The following GRID1 variants were observed in gnomAD, a reference collection of about 807,000 sequenced individuals.
GRID1 encodes the protein glutamate ionotropic receptor delta type subunit 1, also known as glutamate receptor ionotropic, delta-1.
Under a neutral mutation model 98.0 loss-of-function variants are expected in GRID1, and 28 were observed. The ratio of observed to expected loss-of-function variants is 0.29; its 90% CI spans 0.21 to 0.39. The LOEUF (loss-of-function observed/expected upper bound fraction) is 0.39. Among genes scored for constraint, GRID1 ranks in the 10% least tolerant of loss-of-function variants. The probability of loss-of-function intolerance (pLI) is 1.00; values close to 1 mark genes in which losing one functional copy is unlikely to be tolerated. For synonymous variants in GRID1, 553 were observed against 538.5 expected, an observed-to-expected ratio of 1.03 and a Z score of -0.37; for missense variants, 1,111 against 1,340.5, an observed-to-expected ratio of 0.83 and a Z score of 2.67.
At chr10:85,998,193 T>C (rs1047742492) in intron 4 of GRID1, among the ~76,000 whole-genome samples, 2 of 152,138 alleles carry the variant, frequency 1.3e-5, no homozygotes, top group Non-Finnish European at 2.9e-5. Flanking sequence ...CAGCAGAATA[T>C]GCTTTTTTAT....
intron 4 of GRID1, among the ~76,000 whole-genome samples, chr10:86,035,059 CATTT>C (rs200440649): frequency 0.031 from 4,721 of 152,150 alleles, 206 homozygotes; most frequent in African/African-American, 0.098. Flanking sequence ...GGAGCACAGT[CATTT>C]GGAAAGGAGG....
At chr10:85,768,069 A>T (rs1046821729) in intron 8 of GRID1, among the ~76,000 whole-genome samples, 12 of 152,200 alleles carry the variant, frequency 7.9e-5, no homozygotes, top group African/African-American at 2.4e-4. Context: ...CTTTGGTGGA[A>T]AGTTTTCTCA....
chr10:86,128,824 A>G (rs941915737), intron 4 of GRID1, among the ~76,000 whole-genome samples: 1 of 152,000 alleles, frequency 6.6e-6, no homozygotes, highest in Non-Finnish European at 1.5e-5. Context: ...CGATCTCCCC[A>G]CTCACACATC....
intron 2 of GRID1, among the ~76,000 whole-genome samples, chr10:86,261,758 A>G (rs1282262808): frequency 6.7e-6 from 1 of 149,918 alleles, no homozygotes; most frequent in African/African-American, 2.4e-5. Flanking sequence ...GAGCAGGGGC[A>G]TTGAGGTGGC....
At chr10:86,211,479 C>T (rs542973918) in intron 2 of GRID1, among the ~76,000 whole-genome samples, 4 of 152,258 alleles carry the variant, frequency 2.6e-5, no homozygotes, top group Admixed American at 1.3e-4. Context: ...ACTCAGAGCT[C>T]GGCATTGGGG....
chr10:85,728,049 C>G lies in GRID1; in HGVS notation c.1339G>C (p.Glu447Gln). The G allele has an allele frequency of 6.2e-7, 1 of 1,607,736 alleles. No individual in the cohort carries two copies. The highest frequency in any genetic ancestry group is 8.5e-7 in the Non-Finnish European group (1 of 1,174,226). The part of the protein sequence containing the change: ...LTLKVVTVLE[E>Q]PFVMVAENIL... Reference sequence around the variant, plus strand: ...TTCTCAGCCACCATCACGAAAGGCTCTTCCTGAGGACAACAGAATGAAGGT... The same window carrying G: ...TTCTCAGCCACCATCACGAAAGGCTGTTCCTGAGGACAACAGAATGAAGGT... Residue 447 changes from glutamate to glutamine, a missense_variant, in exon 10 of 16, where the codon GAG becomes CAG. Glu to Gln is a conservative substitution (Grantham distance 29). Transcript: ENST00000327946.
chr10:86,090,760 T>G (rs191888438), intron 4 of GRID1, among the ~76,000 whole-genome samples: 1 of 152,256 alleles, frequency 6.6e-6, no homozygotes, highest in East Asian at 1.9e-4. Context: ...CCACAGACCC[T>G]CTGAAGGAAG....
chr10:85,857,884 A>G (rs528323787), intron 6 of GRID1, among the ~76,000 whole-genome samples: 10 of 152,174 alleles, frequency 6.6e-5, no homozygotes, highest in African/African-American at 2.2e-4. Flanking sequence ...TCTGCCTGCA[A>G]TTTACTTCCT....
intron 9 of GRID1, 28 bp from the exon 10 acceptor site, chr10:85,728,080 A>C (rs953936851): frequency 1.4e-6 from 2 of 1,453,634 alleles, no homozygotes; most frequent in Admixed American, 1.7e-5. Flanking sequence ...AAGGTTCTCC[A>C]ATTAAATAAC....
At chr10:85,882,627 T>C (rs1317763547) in intron 5 of GRID1, among the ~76,000 whole-genome samples, 1 of 151,612 alleles carries the variant, frequency 6.6e-6, no homozygotes, top group Admixed American at 6.6e-5. Context: ...TGTTGTGGGG[T>C]TGGGGGAGGG....
At chr10:85,676,710 T>C (rs1841149413) in intron 12 of GRID1, among the ~76,000 whole-genome samples, 1 of 152,186 alleles carries the variant, frequency 6.6e-6, no homozygotes, top group Non-Finnish European at 1.5e-5. Flanking sequence ...CTGAGCACCT[T>C]GGAAGCACCC....
At chr10:85,935,531 C>T (rs957972452) in intron 4 of GRID1, among the ~76,000 whole-genome samples, 9 of 152,136 alleles carry the variant, frequency 5.9e-5, no homozygotes, top group South Asian at 2.1e-4. Context: ...GAGCTGCTTT[C>T]GAGTGAATAA....
At chr10:85,890,884 C>G (rs138260616) in intron 5 of GRID1, among the ~76,000 whole-genome samples, 65 of 152,282 alleles carry the variant, frequency 4.3e-4, no homozygotes, top group Non-Finnish European at 7.9e-4. Context: ...TAAACTATGA[C>G]CTGAGTAGCT....
At chr10:86,001,824 G>T (rs1842805718) in intron 4 of GRID1, among the ~76,000 whole-genome samples, 1 of 152,124 alleles carries the variant, frequency 6.6e-6, no homozygotes, top group Non-Finnish European at 1.5e-5. Context: ...AAAGAAACAT[G>T]TTCTCCCACA....
At chr10:85,825,098 G>C (rs778638713) in intron 8 of GRID1, among the ~76,000 whole-genome samples, 1 of 152,164 alleles carries the variant, frequency 6.6e-6, no homozygotes. Flanking sequence ...TCTACTTTTA[G>C]TTTTTTGAGA....
At chr10:86,122,748 T>C (rs1445577296) in intron 4 of GRID1, among the ~76,000 whole-genome samples, 1 of 152,264 alleles carries the variant, frequency 6.6e-6, no homozygotes, top group Non-Finnish European at 1.5e-5. Flanking sequence ...CCTCACCTTT[T>C]AACTGGCCTC....
At chr10:86,160,244 C>T (rs1845302538) in intron 3 of GRID1, among the ~76,000 whole-genome samples, 1 of 152,206 alleles carries the variant, frequency 6.6e-6, no homozygotes, top group Non-Finnish European at 1.5e-5. Flanking sequence ...CCTGCAAATG[C>T]TCACTGTGTG....
chr10:85,813,467 A>G (rs1488255266), intron 8 of GRID1, among the ~76,000 whole-genome samples: 1 of 151,364 alleles, frequency 6.6e-6, no homozygotes, highest in Non-Finnish European at 1.5e-5. Context: ...ACGCTGAAAA[A>G]AAAAAAAGAA....
chr10:86,050,026 A>G (rs1268411989), intron 4 of GRID1, among the ~76,000 whole-genome samples: 1 of 152,210 alleles, frequency 6.6e-6, no homozygotes, highest in African/African-American at 2.4e-5. Flanking sequence ...TGGCAGGCAA[A>G]GGAGAAATGA....
Sources: gnomAD v4.1 joint callset for allele counts (sites outside exome capture counted in the v4.1 genomes callset) on GRCh38, gnomAD v4.1.1 for gene constraint, MANE v1.5 for transcripts, NCBI Gene and HGNC (gene_info 2026-07-23, HGNC 2026-07-21) for gene names.